RC3H2: variants seen among roughly 807,000 people sequenced by gnomAD.
RC3H2 encodes roquin-2.
RC3H2 carries 31 observed loss-of-function variants against 133.3 expected under a neutral mutation model. The observed-to-expected ratio is 0.23, with a 90% CI of 0.17 to 0.31. The LOEUF (loss-of-function observed/expected upper bound fraction) is 0.31, where lower values mean the gene tolerates loss of function less well. RC3H2 is among the 10% of genes least tolerant of loss of function. The probability of loss-of-function intolerance (pLI) is 1.00; values close to 1 mark genes in which losing one functional copy is unlikely to be tolerated. For missense variants in RC3H2, 1,175 were observed against 1,437.2 expected, an observed-to-expected ratio of 0.82 and a Z score of 2.95; for synonymous variants, 517 against 502.2, an observed-to-expected ratio of 1.03 and a Z score of -0.40.
intron 4 of RC3H2, among the ~76,000 whole-genome samples, chr9:122,885,284 A>C (rs1212216559): frequency 6.6e-6 from 1 of 152,220 alleles, no homozygotes; most frequent in African/African-American, 2.4e-5. Flanking sequence ...AAAATATTAG[A>C]AAGTGCTGAA....
chr9:122,886,471 T>C (rs1397088263), intron 4 of RC3H2, among the ~76,000 whole-genome samples: 1 of 152,216 alleles, frequency 6.6e-6, no homozygotes, highest in Non-Finnish European at 1.5e-5. Flanking sequence ...TTTAAGGAAC[T>C]GACAAATTGT....
rs1829908236 is a variant in RC3H2 at position 122,848,207 on chromosome 9, G to C, written c.*1420C>G. ...GATCAGCTTGGCTTAAAATATTCCAGTACAATTTTCAGAGTAAACAACTTC... is the reference window on the plus strand; with the variant it reads ...GATCAGCTTGGCTTAAAATATTCCACTACAATTTTCAGAGTAAACAACTTC... On this transcript the variant is annotated 3_prime_UTR_variant, in exon 21 of 21. Coordinates refer to ENST00000357244, the MANE Select transcript of RC3H2 (RefSeq NM_001100588.3). 6.6e-6 allele frequency: 1 copy of C among 151,958 alleles called. No homozygotes were observed. The highest frequency in any genetic ancestry group is 1.5e-5 in the Non-Finnish European group (1 of 67,976). 9.4% of individuals were successfully genotyped at this position (151,958 alleles called of 1,614,324 possible).
At chr9:122,897,897 G>T in intron 1 of RC3H2, 1 of 163,400 alleles carries the variant, frequency 6.1e-6, no homozygotes, top group Non-Finnish European at 1.3e-5. Context: ...TCCATTTTTA[G>T]GAACACAAAT....
rs1352641347 is a variant in RC3H2, at chr9:122,868,155, G to A, written c.1326-2498C>T. ...CCCCCGCCCGGCCAGCCGCCCTGTCGGGGATGTGAGGGGCGCCTCTGCCCG... is the reference window on the plus strand; with the variant it reads ...CCCCCGCCCGGCCAGCCGCCCTGTCAGGGATGTGAGGGGCGCCTCTGCCCG... On this transcript the variant is annotated intron_variant, in intron 9 of 20. Transcript: ENST00000357244. 1.1e-4 allele frequency among the ~76,000 whole-genome samples: 16 copies of A among 148,336 alleles called. No homozygotes were observed. The South Asian group carries it at 1.1e-3, about 10-fold the overall frequency.
chr9:122,851,966 G>T (rs559606536), intron 18 of RC3H2, among the ~76,000 whole-genome samples: 4 of 148,888 alleles, frequency 2.7e-5, no homozygotes, highest in Admixed American at 2.7e-4. Context: ...CCATCGTCTG[G>T]GATGTGAGGA....
rs1832807045 is a variant in RC3H2, at chr9:122,905,326, C to T, written c.-284G>A. On this transcript the variant is annotated 5_prime_UTR_variant, in exon 1 of 21. Transcript: ENST00000357244. The stretch of plus-strand genomic sequence containing the variant: ...CCTCCACCTCCGCCTCCTCCTCCTC[C>T]TCCTCCTCACCACGGAGGCGGACCT... 2.0e-6 allele frequency: 2 copies of T among 981,044 alleles called. No homozygotes were observed. The highest frequency in any genetic ancestry group is 1.2e-6 in the Non-Finnish European group (1 of 825,688). The allele number at this position is 981,044 out of a possible 1,614,324, so 60.8% of individuals were successfully genotyped here.
intron 8 of RC3H2, among the ~76,000 whole-genome samples, chr9:122,878,739 TCTTAA>T (rs1310865709): frequency 6.6e-6 from 1 of 151,594 alleles, no homozygotes; most frequent in African/African-American, 2.4e-5. Context: ...AAGGATTATA[TCTTAA>T]CTTCTTTTTA....
chr9:122,862,980 G>T (rs1045975600), intron 10 of RC3H2, among the ~76,000 whole-genome samples: 2 of 151,264 alleles, frequency 1.3e-5, no homozygotes, highest in Admixed American at 6.6e-5. Context: ...GTACAATTCA[G>T]TAATTTTTAG....
At chr9:122,877,328 A>C in intron 9 of RC3H2, 143 bp downstream of exon 9, 2 of 630,556 alleles carry the variant, frequency 3.2e-6, no homozygotes, top group Non-Finnish European at 2.8e-6. Flanking sequence ...AGCCCCGCAA[A>C]CTGCTGGGAC....
At chr9:122,866,294 A>T (rs1830650809) in intron 9 of RC3H2, among the ~76,000 whole-genome samples, 1 of 151,978 alleles carries the variant, frequency 6.6e-6, no homozygotes, top group African/African-American at 2.4e-5. Flanking sequence ...ATCATTGGAT[A>T]TAATACTCTA....
At chr9:122,893,878 C>G (rs571913272) in intron 2 of RC3H2, among the ~76,000 whole-genome samples, 1 of 152,038 alleles carries the variant, frequency 6.6e-6, no homozygotes, top group South Asian at 2.1e-4. Flanking sequence ...CTATGAATGA[C>G]CTTGAGTAAA....
Position 122,855,758 on chromosome 9 carries a change from T to C in RC3H2, c.2575A>G (p.Ile859Val), listed in dbSNP as rs1324526621. ...NAIDSEPKDV[I>V]ANSNAVLMDL... ...ATTAACACAGCATTTGAATTAGCAA[T>C]GACATCTTTGGGCTCTGAATCAATG... The change falls in exon 14 of 21, where the codon ATT (isoleucine) becomes GTT (valine). Residue 859 changes from isoleucine to valine, a missense_variant. Ile to Val is a conservative substitution (Grantham distance 29, BLOSUM62 3). This residue lies in a region of RC3H2 where 138 missense variants were observed against 215.0 expected (regional missense o/e 0.64). Coordinates refer to ENST00000357244, the MANE Select transcript of RC3H2 (RefSeq NM_001100588.3). The C allele has an allele frequency of 6.2e-7, 1 of 1,613,076 alleles. No homozygotes were observed. Among genetic ancestry groups the C allele is most frequent in the Admixed American group, 1.7e-5 (1 of 59,874 alleles).
intron 1 of RC3H2, among the ~76,000 whole-genome samples, chr9:122,900,497 A>AT (rs1389951893): frequency 6.6e-6 from 1 of 152,188 alleles, no homozygotes; most frequent in Admixed American, 6.5e-5. Context: ...CTTTGTAAAC[A>AT]TTTACCTAGA....
rs372223304 is a variant in RC3H2, at chr9:122,890,378, G to C, written c.517C>G (p.Pro173Ala). The C allele has an allele frequency of 3.8e-5, 62 of 1,614,024 alleles. No individual in the cohort carries two copies. The highest frequency in any genetic ancestry group is 4.9e-5 in the Non-Finnish European group (58 of 1,180,032). Residue 173 changes from proline to alanine, a missense_variant, in exon 4 of 21, where the codon CCT (proline) becomes GCT (alanine). Pro to Ala is a conservative substitution (Grantham distance 27). Coordinates refer to ENST00000357244, the MANE Select transcript of RC3H2 (RefSeq NM_001100588.3). ...CATAGATTGGCAGACAACTGCTGAG[G>C]GTTCTGGTGCTGTAATATCAGTTCT... ...VTELILQHQNPQQLSANLWAA... is the reference protein window; with the variant it reads ...VTELILQHQNAQQLSANLWAA...
At chr9:122,875,149 A>G (rs746515596) in intron 9 of RC3H2, 18 of 1,535,436 alleles carry the variant, frequency 1.2e-5, no homozygotes, top group South Asian at 2.4e-5. Context: ...GGGTACAAAC[A>G]GCATCTTTTT....
chr9:122,877,212 A>G (rs1009917445), intron 9 of RC3H2, among the ~76,000 whole-genome samples: 7 of 152,092 alleles, frequency 4.6e-5, no homozygotes, highest in African/African-American at 1.7e-4. Context: ...TGGGACCACA[A>G]CTGTGGGCCA....
chr9:122,894,781 G>T (rs532637079), intron 2 of RC3H2, among the ~76,000 whole-genome samples: 2 of 152,248 alleles, frequency 1.3e-5, no homozygotes, highest in African/African-American at 4.8e-5. Flanking sequence ...TTGGGAGGCT[G>T]AGGCAGGAGA....
chr9:122,880,179 A>T, intron 6 of RC3H2, 54 bp from the exon 7 acceptor site: 2 of 1,549,730 alleles, frequency 1.3e-6, no homozygotes, highest in Non-Finnish European at 1.8e-6. Flanking sequence ...ACACATTTAT[A>T]CTCAAATACT....
chr9:122,874,071 G>A (rs558880258), intron 9 of RC3H2: 1 of 152,218 alleles, frequency 6.6e-6, no homozygotes, highest in Admixed American at 6.5e-5. Context: ...GGAAGTCTGT[G>A]GAGGGAAGAT....
Sources: gnomAD v4.1 joint callset for allele counts (sites outside exome capture counted in the v4.1 genomes callset) on GRCh38, gnomAD v4.1.1 for gene constraint, gnomAD v4.1.1 regional missense constraint, MANE v1.5 for transcripts, NCBI Gene and HGNC (gene_info 2026-07-23, HGNC 2026-07-21) for gene names.